Variants in COQ8A observed in about 807,000 individuals in gnomAD.
COQ8A encodes coenzyme Q8A.
In COQ8A, 51 loss-of-function variants were observed where a neutral mutation model predicts 65.0. That is an observed-to-expected ratio of 0.78 (90% CI 0.63 to 0.99). The LOEUF (loss-of-function observed/expected upper bound fraction) is 0.99, where lower values mean the gene tolerates loss of function less well. COQ8A is among the 50% of genes least tolerant of loss of function. The pLI, the probability that COQ8A is intolerant of heterozygous loss-of-function variation, is 0.00. For missense variants in COQ8A, 940 were observed against 875.0 expected (o/e 1.07, Z -0.94); for synonymous variants, 371 against 353.2 (o/e 1.05, Z -0.57).
chr1:226,980,131 C>T (rs920648376), intron 5 of COQ8A, among the ~76,000 whole-genome samples: 3 of 152,232 alleles, frequency 2.0e-5, no homozygotes, highest in Non-Finnish European at 4.4e-5. Context: ...CCTGACCAGG[C>T]CCTGGCACCC....
At chr1:226,986,394 C>G in intron 14 of COQ8A, 59 bp from the exon 15 acceptor site, 3 of 1,590,340 alleles carry the variant, frequency 1.9e-6, no homozygotes, top group Non-Finnish European at 2.6e-6. Flanking sequence ...TGGGAGGAAC[C>G]CGGGCTGGTG....
intron 4 of COQ8A, among the ~76,000 whole-genome samples, chr1:226,973,291 G>A (rs1470040050): frequency 1.3e-5 from 2 of 152,222 alleles, no homozygotes; most frequent in African/African-American, 4.8e-5. Flanking sequence ...CTTCTCAGGA[G>A]CCTCCTTGGA....
rs1658525323 is a variant in COQ8A at position 226,965,691 on chromosome 1, G to A, written c.609G>A (p.Glu203=). 6.2e-7 allele frequency: 1 copy of A among 1,614,092 alleles called. No homozygotes were observed. Among genetic ancestry groups the A allele is most frequent in the Non-Finnish European group, 8.5e-7 (1 of 1,180,044 alleles). ...HKQTLSEHAR[E]RKVPVTRIGR... is the part of the protein sequence containing the mutation. The stretch of plus-strand genomic sequence containing the variant: ...TCCAGCTCAGCGAGCATGCCCGGGA[G>A]CGGAAGGTGCCTGTGACGAGGATTG... Residue 203 remains glutamate (E), a synonymous_variant, in exon 4 of 15, where the codon GAG becomes GAA. Coordinates refer to ENST00000366777, the MANE Select transcript of COQ8A (RefSeq NM_020247.5).
chr1:226,978,918 C>CA (rs1659518382), intron 5 of COQ8A, among the ~76,000 whole-genome samples: 1 of 61,034 alleles, frequency 1.6e-5, no homozygotes, highest in African/African-American at 4.3e-5. Context: ...CACCTCCTTA[C>CA]CCCTCCACAC....
At chr1:226,968,769 G>T (rs1418014007) in intron 4 of COQ8A, among the ~76,000 whole-genome samples, 1 of 152,120 alleles carries the variant, frequency 6.6e-6, no homozygotes, top group Non-Finnish European at 1.5e-5. Flanking sequence ...CAATTCCAGG[G>T]GCTCATTTTG....
Position 226,982,937 on chromosome 1 carries a change from TG to T in COQ8A, c.985del (p.Glu329AsnfsTer21). On this transcript the variant is annotated frameshift_variant, in exon 8 of 15. Coordinates refer to ENST00000366777, the MANE Select transcript of COQ8A (RefSeq NM_020247.5). LOFTEE classifies it high-confidence loss of function. Reference protein sequence around the residue: ...NDLGPNWRDKLEYFEERPFAA... With the variant: ...NDLGPNWRDKXEYFEERPFAA... ...CTGGGCCCCAACTGGCGGGACAAGT[TG>T]GAATACTTCGAGGAGCGGCCCTTCG... 6.2e-7 allele frequency: 1 copy of T among 1,611,830 alleles called. No individual in the cohort carries two copies. Among genetic ancestry groups the T allele is most frequent in the Non-Finnish European group, 8.5e-7 (1 of 1,179,448 alleles).
At position 226,965,656 on chromosome 1, in the gene COQ8A, C is replaced by G. The variant is rs1240639903; in HGVS notation, c.589-15C>G. The G allele has an allele frequency of 1.9e-6, 3 of 1,613,990 alleles. No individual in the cohort carries two copies. Among genetic ancestry groups the G allele is most frequent in the Admixed American group, 3.3e-5 (2 of 60,018 alleles). ...CTTGGCTGATTCCACAGGTCTCTTT[C>G]TCGTCTCCCTCCAGCTCAGCGAGCA... On this transcript the variant is annotated splice_polypyrimidine_tract_variant and intron_variant, in intron 3 of 14. Coordinates refer to ENST00000366777, the MANE Select transcript of COQ8A (RefSeq NM_020247.5).
At chr1:226,984,738 T>C in intron 12 of COQ8A, 83 bp downstream of exon 12, 1 of 1,521,916 alleles carries the variant, frequency 6.6e-7, no homozygotes, top group South Asian at 1.1e-5. Context: ...CTGCCCCTTG[T>C]CCTGGGAAAG....
At chr1:226,943,873 T>TGATGC (rs1656838915) in intron 1 of COQ8A, among the ~76,000 whole-genome samples, 1 of 152,034 alleles carries the variant, frequency 6.6e-6, no homozygotes, top group African/African-American at 2.4e-5. Context: ...TTTGAAGTGG[T>TGATGC]GATGCGGTAT....
intron 5 of COQ8A, among the ~76,000 whole-genome samples, chr1:226,978,153 C>A (rs982956955): frequency 2.7e-5 from 4 of 150,384 alleles, no homozygotes; most frequent in African/African-American, 9.8e-5. Context: ...ATCTTACCCT[C>A]CACACACCCA....
chr1:226,977,953 C>A (rs1046818108), intron 5 of COQ8A, among the ~76,000 whole-genome samples: 1 of 150,838 alleles, frequency 6.6e-6, no homozygotes, highest in Non-Finnish European at 1.5e-5. Context: ...AACACCCGCA[C>A]CTTACATACC....
intron 1 of COQ8A, among the ~76,000 whole-genome samples, chr1:226,951,418 C>G (rs1253346803): frequency 2.0e-5 from 3 of 152,186 alleles, no homozygotes; most frequent in Non-Finnish European, 4.4e-5. Flanking sequence ...TCCCAGCCCC[C>G]CAGGCCTGTC....
intron 1 of COQ8A, among the ~76,000 whole-genome samples, chr1:226,945,068 C>T (rs1656948273): frequency 6.6e-6 from 1 of 152,198 alleles, no homozygotes; most frequent in Admixed American, 6.5e-5. Context: ...GACCCCGTTA[C>T]ATCCCAGCTT....
chr1:226,984,760 C>A, intron 12 of COQ8A, 105 bp downstream of exon 12: 1 of 1,493,496 alleles, frequency 6.7e-7, no homozygotes, highest in Non-Finnish European at 9.3e-7. Flanking sequence ...CAGCAGAGAG[C>A]TCAGGGCTCT....
At chr1:226,985,024 G>A in intron 13 of COQ8A, 83 bp downstream of exon 13, 1 of 1,540,470 alleles carries the variant, frequency 6.5e-7, no homozygotes, top group East Asian at 2.3e-5. Context: ...TAGGGAGAAT[G>A]ACTGGGTTCC....
chr1:226,982,932 C>G lies in COQ8A; in HGVS notation c.978C>G (p.Asp326Glu), dbSNP rs779617086. The G allele has an allele frequency of 4.3e-6, 7 of 1,612,104 alleles. No individual in the cohort carries two copies. Among genetic ancestry groups the G allele is most frequent in the Non-Finnish European group, 5.9e-6 (7 of 1,179,558 alleles). ...ACGACCTGGGCCCCAACTGGCGGGACAAGTTGGAATACTTCGAGGAGCGGC... is the reference window on the plus strand; with the variant it reads ...ACGACCTGGGCCCCAACTGGCGGGAGAAGTTGGAATACTTCGAGGAGCGGC... The part of the protein sequence containing the change: ...LNNDLGPNWR[D>E]KLEYFEERPF... Residue 326 changes from aspartate (D) to glutamate (E), a missense_variant, in exon 8 of 15, where the codon GAC becomes GAG. By Grantham distance (45) the Asp-to-Glu change is conservative. Coordinates refer to ENST00000366777, the MANE Select transcript of COQ8A (RefSeq NM_020247.5).
chr1:226,943,938 G>C (rs1044417718), intron 1 of COQ8A, among the ~76,000 whole-genome samples: 1 of 152,136 alleles, frequency 6.6e-6, no homozygotes, highest in South Asian at 2.1e-4. Flanking sequence ...GAGAGGTCCT[G>C]CCTGGCCTGA....
chr1:226,968,942 G>C (rs75428649), intron 4 of COQ8A, among the ~76,000 whole-genome samples: 8 of 152,148 alleles, frequency 5.3e-5, no homozygotes, highest in Admixed American at 6.5e-5. Flanking sequence ...CTGAACTTTA[G>C]TTCATCATAA....
chr1:226,957,355 C>T (rs1164735523), intron 1 of COQ8A, among the ~76,000 whole-genome samples: 3 of 132,426 alleles, frequency 2.3e-5, no homozygotes, highest in East Asian at 2.5e-4. Flanking sequence ...CTTCTAGCTT[C>T]TTATACCAGT....
Sources: allele counts gnomAD v4.1 joint callset (sites outside exome capture counted in the v4.1 genomes callset), GRCh38; gene constraint gnomAD v4.1.1; transcripts MANE v1.5; gene names NCBI Gene and HGNC (gene_info 2026-07-23, HGNC 2026-07-21).